The following ZNF891 variants were observed in gnomAD, a reference collection of about 807,000 sequenced individuals.
ZNF891 encodes hCG1646157.
For missense variants in ZNF891, 589 were observed against 632.7 expected (o/e 0.93, Z 0.74); for synonymous variants, 199 against 209.0 (o/e 0.95, Z 0.41).
intron 1 of ZNF891, chr12:133,122,273 T>A: frequency 1.0e-6 from 1 of 994,318 alleles, no homozygotes. Context: ...GAATGGGGCA[T>A]GAGTTATTTT....
Position 133,106,527 on chromosome 12 carries a change from T to C in ZNF891, c.*13757A>G. The C allele has an allele frequency of 6.2e-7, 1 of 1,614,048 alleles. No homozygotes were observed. The highest frequency in any genetic ancestry group is 8.5e-7 in the Non-Finnish European group (1 of 1,180,022). Reference sequence around the variant, plus strand: ...GGAGAGAAACCCTATGTATGTAAGGTATGCAACAAATCCTTCAGCTGGAGC... The same window carrying C: ...GGAGAGAAACCCTATGTATGTAAGGCATGCAACAAATCCTTCAGCTGGAGC... On this transcript the variant is annotated 3_prime_UTR_variant, in exon 2 of 2. Coordinates refer to ENST00000537226, the MANE Select transcript of ZNF891 (RefSeq NM_001277291.2).
chr12:133,113,237 T>C lies in ZNF891; in HGVS notation c.*7047A>G, dbSNP rs1297596801. ...AACTTTGAAGATATTAAAATCATGCTTTAAAAAGTATTTATTAAAAAGTTA... is the reference window on the plus strand; with the variant it reads ...AACTTTGAAGATATTAAAATCATGCCTTAAAAAGTATTTATTAAAAAGTTA... On this transcript the variant is annotated 3_prime_UTR_variant, in exon 2 of 2. Transcript: ENST00000537226. 1 of 151,780 alleles carries C rather than the reference T, an allele frequency of 6.6e-6. No homozygotes were observed. Among genetic ancestry groups the C allele is most frequent in the Non-Finnish European group, 1.5e-5 (1 of 67,922 alleles). The allele number at this position is 151,780 out of a possible 1,614,324, so 9.4% of individuals were successfully genotyped here.
At chr12:133,127,651 A>G (rs1234411498) in intron 1 of ZNF891, among the ~76,000 whole-genome samples, 1 of 152,242 alleles carries the variant, frequency 6.6e-6, no homozygotes, top group Non-Finnish European at 1.5e-5. Context: ...TCCACCAAAC[A>G]GGAATAGAAG....
At position 133,105,491 on chromosome 12, in the gene ZNF891, T is replaced by A; in HGVS notation, c.*14793A>T. 1 of 1,558,514 alleles carries A rather than the reference T, an allele frequency of 6.4e-7. No homozygotes were observed. The highest frequency in any genetic ancestry group is 8.6e-7 in the Non-Finnish European group (1 of 1,156,986). On this transcript the variant is annotated 3_prime_UTR_variant, in exon 2 of 2. Coordinates refer to ENST00000537226, the MANE Select transcript of ZNF891 (RefSeq NM_001277291.2). ...ATACAGGAAAAAGAAACATTCACTT[T>A]TTTTTTGGTATCTTTCAGTTTCAGA... is the stretch of plus-strand genomic sequence containing the variant.
rs187915746 is a variant in ZNF891 at position 133,115,797 on chromosome 12, T to C, written c.*4487A>G. On this transcript the variant is annotated 3_prime_UTR_variant, in exon 2 of 2. Transcript: ENST00000537226. ...TGGTGTACAGGATGAGTATTCCTTA[T>C]TCAAAACACTTGGGACCAGAACTGT... is the stretch of plus-strand genomic sequence containing the variant. 129 of 152,298 alleles carry C rather than the reference T, an allele frequency of 8.5e-4. No individual in the cohort carries two copies. The highest frequency in any genetic ancestry group is 3.0e-3 in the African/African-American group (123 of 41,562). The allele number at this position is 152,298 out of a possible 1,614,324, so 9.4% of individuals were successfully genotyped here. A position where few individuals can be genotyped will look rare whatever the true frequency, so the allele number is the denominator to read the frequency against.
rs1955725768 is a variant in ZNF891 at position 133,118,076 on chromosome 12, G to C, written c.*2208C>G. 1 of 151,704 alleles carries C rather than the reference G, an allele frequency of 6.6e-6. No individual in the cohort carries two copies. The highest frequency in any genetic ancestry group is 1.5e-5 in the Non-Finnish European group (1 of 68,106). 9.4% of individuals were successfully genotyped at this position (151,704 alleles called of 1,614,324 possible). On this transcript the variant is annotated 3_prime_UTR_variant, in exon 2 of 2. Coordinates refer to ENST00000537226, the MANE Select transcript of ZNF891 (RefSeq NM_001277291.2). ...ATTCTTCTGCCTCAGCTCCTGAGTA[G>C]CTGGGACTACAGGCATGTGCCACCA...
chr12:133,105,803 C>G lies in ZNF891; in HGVS notation c.*14481G>C. On this transcript the variant is annotated 3_prime_UTR_variant, in exon 2 of 2. Transcript: ENST00000537226. ...AAAAACTTTTGGTCGACGCTTTTCC[C>G]TGGTGTTACACCAGAGGACTCATAC... is the stretch of plus-strand genomic sequence containing the variant. 6.2e-7 allele frequency: 1 copy of G among 1,614,184 alleles called. No individual in the cohort carries two copies. The highest frequency in any genetic ancestry group is 8.5e-7 in the Non-Finnish European group (1 of 1,180,052).
Position 133,106,759 on chromosome 12 carries a change from T to C in ZNF891, c.*13525A>G. The C allele has an allele frequency of 9.6e-7, 1 of 1,042,470 alleles. No individual in the cohort carries two copies. The highest frequency in any genetic ancestry group is 1.3e-6 in the Non-Finnish European group (1 of 744,792). The allele number at this position is 1,042,470 out of a possible 1,614,324, so 64.6% of individuals were successfully genotyped here. ...AGAAGCCTTATGTGAAAGTGATGAC[T>C]GTGAAGTAATATGGCCCACACTTTA... is the stretch of plus-strand genomic sequence containing the variant. On this transcript the variant is annotated 3_prime_UTR_variant, in exon 2 of 2. Transcript: ENST00000537226.
At position 133,113,546 on chromosome 12, in the gene ZNF891, C is replaced by T. The variant is rs752180633; in HGVS notation, c.*6738G>A. 19 of 152,252 alleles carry T rather than the reference C, an allele frequency of 1.2e-4. No homozygotes were observed. Among genetic ancestry groups the T allele is most frequent in the African/African-American group, 1.7e-4 (7 of 41,552 alleles). 9.4% of individuals were successfully genotyped at this position (152,252 alleles called of 1,614,324 possible). A position where few individuals can be genotyped will look rare whatever the true frequency, so the allele number is the denominator to read the frequency against. Reference sequence around the variant, plus strand: ...TTATATTCCATTTTATTGACTGTTACTGGGAATTTAGGAATTTTCCAGTTT... The same window carrying T: ...TTATATTCCATTTTATTGACTGTTATTGGGAATTTAGGAATTTTCCAGTTT... On this transcript the variant is annotated 3_prime_UTR_variant, in exon 2 of 2. Transcript: ENST00000537226.
Position 133,106,574 on chromosome 12 carries a change from A to C in ZNF891, c.*13710T>G, listed in dbSNP as rs1955606979. On this transcript the variant is annotated 3_prime_UTR_variant, in exon 2 of 2. Coordinates refer to ENST00000537226, the MANE Select transcript of ZNF891 (RefSeq NM_001277291.2). ...GAGCTCAAACCTTGCTAAACATCAG[A>C]GGACACACACTCTTGACAACCCCTA... 1 of 1,613,846 alleles carries C rather than the reference A, an allele frequency of 6.2e-7. No individual in the cohort carries two copies. The highest frequency in any genetic ancestry group is 1.1e-5 in the South Asian group (1 of 91,076).
intron 1 of ZNF891, among the ~76,000 whole-genome samples, chr12:133,123,735 A>AAACAAC (rs796534378): frequency 2.0e-4 from 26 of 133,014 alleles, no homozygotes; most frequent in African/African-American, 6.0e-4. Context: ...AAACACACAC[A>AAACAAC]AACAACAACA....
In ZNF891 at chr12:133,128,611, G is replaced by A. The variant is rs140318283; in HGVS notation, c.-107+1616C>T. On this transcript the variant is annotated intron_variant, in intron 1 of 1. Transcript: ENST00000537226. ...ATCCTGCCATTGCATTCCCGCCTGG[G>A]CGAGAGAGAGAGACTCTGTCTCAAA... 2.4e-3 allele frequency among the ~76,000 whole-genome samples: 371 copies of A among 152,214 alleles called. 4 individuals carry two copies. The highest frequency in any genetic ancestry group is 8.5e-3 in the East Asian group (44 of 5,180).
chr12:133,120,843 T>C lies in ZNF891; in HGVS notation c.1076A>G (p.Asp359Gly). The change falls in exon 2 of 2, where the codon GAT becomes GGT. Residue 359 changes from aspartate (D) to glycine (G), a missense_variant. Physicochemically the swap from Asp to Gly is moderately conservative, Grantham distance 94 (BLOSUM62 -1). Coordinates refer to ENST00000537226, the MANE Select transcript of ZNF891 (RefSeq NM_001277291.2). ...TACATGTCTCCTTAAGGTTGAGGAA[T>C]CATTGAACACTTTACCACATTCTTT... ...ECKECGKVFNDSSTLRRHVRT... is the reference protein window; with the variant it reads ...ECKECGKVFNGSSTLRRHVRT... 1 of 1,553,346 alleles carries C rather than the reference T, an allele frequency of 6.4e-7. No individual in the cohort carries two copies. The highest frequency in any genetic ancestry group is 1.2e-5 in the South Asian group (1 of 84,580).
Position 133,117,845 on chromosome 12 carries a change from T to G in ZNF891, c.*2439A>C, listed in dbSNP as rs1955723951. The G allele has an allele frequency of 1.3e-5, 2 of 152,178 alleles. No homozygotes were observed. The highest frequency in any genetic ancestry group is 1.3e-4 in the Admixed American group (2 of 15,278). 9.4% of individuals were successfully genotyped at this position (152,178 alleles called of 1,614,324 possible). A position where few individuals can be genotyped will look rare whatever the true frequency, so the allele number is the denominator to read the frequency against. On this transcript the variant is annotated 3_prime_UTR_variant, in exon 2 of 2. Coordinates refer to ENST00000537226, the MANE Select transcript of ZNF891 (RefSeq NM_001277291.2). The stretch of plus-strand genomic sequence containing the variant: ...TATGTACCACTATGTTATTTCCAAC[T>G]ACAATCACAAATGATCTTCACTTGG...
rs1593826039 is a variant in ZNF891, at chr12:133,120,833, G to A, written c.1086C>T (p.Thr362=). ...TGTGAGTTCTTACATGTCTCCTTAAGGTTGAGGAATCATTGAACACTTTAC... is the reference window on the plus strand; with the variant it reads ...TGTGAGTTCTTACATGTCTCCTTAAAGTTGAGGAATCATTGAACACTTTAC... ...ECGKVFNDSS[T]LRRHVRTHTG... is the part of the protein sequence containing the mutation. The change falls in exon 2 of 2, where the codon ACC becomes ACT. Residue 362 remains threonine (T), a synonymous_variant. Transcript: ENST00000537226. 1 of 1,558,732 alleles carries A rather than the reference G, an allele frequency of 6.4e-7. No homozygotes were observed. The highest frequency in any genetic ancestry group is 1.2e-5 in the South Asian group (1 of 84,952).
Position 133,115,341 on chromosome 12 carries a change from C to T in ZNF891, c.*4943G>A, listed in dbSNP as rs902105114. Reference sequence around the variant, plus strand: ...CCAGGAGGCAGAGGTTGCTGTGAGCCGAGAACGTGCCACTGCACTCCAGCC... The same window carrying T: ...CCAGGAGGCAGAGGTTGCTGTGAGCTGAGAACGTGCCACTGCACTCCAGCC... On this transcript the variant is annotated 3_prime_UTR_variant, in exon 2 of 2. Transcript: ENST00000537226. The T allele has an allele frequency of 7.5e-5, 10 of 133,040 alleles. No homozygotes were observed. The East Asian group carries it at 2.0e-3, about 26-fold the overall frequency. The allele number at this position is 133,040 out of a possible 1,614,324, so 8.2% of individuals were successfully genotyped here. A position where few individuals can be genotyped will look rare whatever the true frequency, so the allele number is the denominator to read the frequency against.
chr12:133,129,242 T>A (rs1955849249), intron 1 of ZNF891, among the ~76,000 whole-genome samples: 1 of 152,042 alleles, frequency 6.6e-6, no homozygotes, highest in Non-Finnish European at 1.5e-5. Context: ...TGGCTCACGC[T>A]TGTAATCTCA....
At position 133,113,286 on chromosome 12, in the gene ZNF891, T is replaced by C. The variant is rs1174946047; in HGVS notation, c.*6998A>G. The C allele has an allele frequency of 2.0e-5, 3 of 152,018 alleles. No individual in the cohort carries two copies. Among genetic ancestry groups the C allele is most frequent in the Non-Finnish European group, 1.5e-5 (1 of 67,952 alleles). The allele number at this position is 152,018 out of a possible 1,614,324, so 9.4% of individuals were successfully genotyped here. ...TAATGATAGAATTATTTTTAAGAAA[T>C]AGACCACAGCTCTGTTCACTAAACT... On this transcript the variant is annotated 3_prime_UTR_variant, in exon 2 of 2. Transcript: ENST00000537226.
At position 133,121,445 on chromosome 12, in the gene ZNF891, G is replaced by A; in HGVS notation, c.474C>T (p.Cys158=). 6.5e-7 allele frequency: 1 copy of A among 1,536,024 alleles called. No homozygotes were observed. Among genetic ancestry groups the A allele is most frequent in the African/African-American group, 1.4e-5 (1 of 73,130 alleles). ...WSSTLREDWE[C]HKIRKQHKIP... ...TCTTATGCTGTTTTCTGATCTTATG[G>A]CATTCCCAGTCTTCTCTTAATGTGG... Residue 158 remains cysteine, a synonymous_variant, in exon 2 of 2, where the codon TGC becomes TGT. Coordinates refer to ENST00000537226, the MANE Select transcript of ZNF891 (RefSeq NM_001277291.2).
Sources: gnomAD v4.1 joint callset for allele counts (sites outside exome capture counted in the v4.1 genomes callset) on GRCh38, gnomAD v4.1.1 for gene constraint, MANE v1.5 for transcripts, NCBI Gene and HGNC (gene_info 2026-07-23, HGNC 2026-07-21) for gene names.